The following ANXA8 variants were observed in gnomAD, a reference collection of about 807,000 sequenced individuals.
ANXA8 encodes the protein annexin A8.
A neutral mutation model predicts 26.8 loss-of-function variants in ANXA8; 9 were observed. That is an observed-to-expected ratio of 0.34 (90% CI 0.20 to 0.59). The LOEUF is 0.59. ANXA8 is among the 20% of genes least tolerant of loss of function. The pLI, the probability that ANXA8 is intolerant of heterozygous loss-of-function variation, is 0.84. For synonymous variants in ANXA8, 39 were observed against 94.8 expected (o/e 0.41, Z 3.42); for missense variants, 83 against 238.5 (o/e 0.35, Z 4.29).
chr10:47,560,952 G>A, the ANXA8 span, among the ~76,000 whole-genome samples: 177 of 151,314 alleles, frequency 1.2e-3, 5 homozygotes, highest in African/African-American at 4.1e-3. Flanking sequence ...CTGGGACTAC[G>A]GGCACATGCC....
chr10:47,647,244 T>C, the ANXA8 span, among the ~76,000 whole-genome samples: 1 of 151,980 alleles, frequency 6.6e-6, no homozygotes, highest in Non-Finnish European at 1.5e-5. Flanking sequence ...TTTTAATATG[T>C]ATACATTTTA....
the ANXA8 span, among the ~76,000 whole-genome samples, chr10:47,968,614 C>T: frequency 1.4e-5 from 2 of 142,926 alleles, no homozygotes; most frequent in Admixed American, 1.4e-4. Flanking sequence ...AGAACCACTT[C>T]GACCTCTTTG....
At chr10:47,756,781 C>G in the ANXA8 span, among the ~76,000 whole-genome samples, 1 of 150,246 alleles carries the variant, frequency 6.7e-6, no homozygotes, top group East Asian at 2.0e-4. Flanking sequence ...CTCCTGTATT[C>G]TGGGAGGCCA....
upstream of ANXA8, chr10:47,484,708 G>A (rs1337493960): frequency 1.5e-4 from 103 of 709,558 alleles, no homozygotes; most frequent in Middle Eastern, 4.0e-4. Context: ...GGGAGGTCTC[G>A]TTTCTTTGGT....
chr10:47,657,470 T>C, the ANXA8 span, among the ~76,000 whole-genome samples: 8 of 151,886 alleles, frequency 5.3e-5, no homozygotes, highest in Non-Finnish European at 8.8e-5. Flanking sequence ...AGCTTGAATG[T>C]CAGCTCCACC....
chr10:47,741,917 C>G, the ANXA8 span, among the ~76,000 whole-genome samples: 2,122 of 112,896 alleles, frequency 0.019, 1 homozygote, highest in Non-Finnish European at 0.032. Flanking sequence ...CTTGGCTCAC[C>G]GCAACCTCCA....
At chr10:47,665,977 C>A in the ANXA8 span, among the ~76,000 whole-genome samples, 1 of 151,860 alleles carries the variant, frequency 6.6e-6, no homozygotes, top group Non-Finnish European at 1.5e-5. Flanking sequence ...AAAGTTTTCA[C>A]TCTTAATTGC....
the ANXA8 span, among the ~76,000 whole-genome samples, chr10:47,581,968 G>A: frequency 3.3e-5 from 5 of 150,100 alleles, no homozygotes; most frequent in Non-Finnish European, 7.4e-5. Flanking sequence ...AGACAGAGAT[G>A]TAAGAGTAAC....
At chr10:47,776,534 T>C in the ANXA8 span, among the ~76,000 whole-genome samples, 4 of 151,916 alleles carry the variant, frequency 2.6e-5, no homozygotes, top group Non-Finnish European at 4.4e-5. Context: ...CGGCTTCATG[T>C]AAGATGGTGG....
chr10:47,702,131 G>A, the ANXA8 span, among the ~76,000 whole-genome samples: 11 of 149,390 alleles, frequency 7.4e-5, no homozygotes, highest in African/African-American at 1.7e-4. Flanking sequence ...AGGTTAAAAC[G>A]AACCAGAGGT....
At chr10:47,599,768 A>G in the ANXA8 span, 5 of 151,146 alleles carry the variant, frequency 3.3e-5, no homozygotes, top group Admixed American at 6.6e-5. Flanking sequence ...CAATTAAGCC[A>G]TGGAGGCTAT....
the ANXA8 span, among the ~76,000 whole-genome samples, chr10:47,556,141 A>G: frequency 6.6e-6 from 1 of 151,898 alleles, no homozygotes; most frequent in African/African-American, 2.4e-5. Context: ...TTTTTAAAAT[A>G]AAGAAGATCT....
chr10:47,687,789 TC>T, the ANXA8 span, among the ~76,000 whole-genome samples: 24 of 151,982 alleles, frequency 1.6e-4, no homozygotes, highest in Admixed American at 1.2e-3. Context: ...TAGTAGTGAT[TC>T]TTAATCATTT....
chr10:47,733,203 T>TCTCTCTCTC, the ANXA8 span, among the ~76,000 whole-genome samples: 4 of 107,698 alleles, frequency 3.7e-5, no homozygotes, highest in Admixed American at 9.7e-5. Context: ...CTTTCTTTCT[T>TCTCTCTCTC]TCTTTCTTTC....
the ANXA8 span, chr10:47,599,797 C>T: frequency 5.4e-3 from 812 of 150,138 alleles, 7 homozygotes; most frequent in Admixed American, 8.8e-3. Context: ...CACGGGGCTA[C>T]GCACAATCTC....
At chr10:47,674,422 A>C in the ANXA8 span, among the ~76,000 whole-genome samples, 1 of 151,550 alleles carries the variant, frequency 6.6e-6, no homozygotes, top group East Asian at 1.9e-4. Context: ...ATGTGCCACT[A>C]TGCTTGGCAG....
the ANXA8 span, among the ~76,000 whole-genome samples, chr10:47,733,211 T>TTCTCTCTCTCTCTC: frequency 1.7e-3 from 142 of 81,910 alleles, no homozygotes; most frequent in Non-Finnish European, 2.8e-3. Flanking sequence ...CTTTCTTTCT[T>TTCTCTCTCTCTCTC]TCTTTCTTTC....
the ANXA8 span, among the ~76,000 whole-genome samples, chr10:47,744,185 G>T: frequency 1.3e-5 from 2 of 148,510 alleles, no homozygotes; most frequent in Non-Finnish European, 3.0e-5. Flanking sequence ...ACAGGCATGG[G>T]GCCCCCAACA....
chr10:47,483,281 G>T (rs1397568328), intron 1 of ANXA8, among the ~76,000 whole-genome samples: 15 of 141,260 alleles, frequency 1.1e-4, no homozygotes, highest in African/African-American at 3.0e-4. Flanking sequence ...GGCATTGATG[G>T]GTCCCCAACA....
Sources: gnomAD v4.1 joint callset for allele counts (sites outside exome capture counted in the v4.1 genomes callset) on GRCh38, gnomAD v4.1.1 for gene constraint, MANE v1.5 for transcripts, NCBI Gene and HGNC (gene_info 2026-07-23, HGNC 2026-07-21) for gene names.